Variants in CSMD1 observed in about 807,000 individuals in gnomAD.
The protein encoded by CSMD1 is CUB and Sushi multiple domains 1.
In CSMD1, 213 loss-of-function variants were observed where a neutral mutation model predicts 417.5. The ratio of observed to expected loss-of-function variants is 0.51; its 90% confidence interval spans 0.46 to 0.57. The LOEUF (loss-of-function observed/expected upper bound fraction) is 0.57, where lower values mean the gene tolerates loss of function less well. Among genes scored for constraint, CSMD1 ranks in the 20% least tolerant of loss-of-function variants. The pLI is 0.00. For missense variants in CSMD1, 6,923 were observed against 4,529.7 expected, an observed-to-expected ratio of 1.53 and a Z score of -15.17; for synonymous variants, 2,862 against 1,736.8, an observed-to-expected ratio of 1.65 and a Z score of -16.11.
chr8:3,915,982 T>G (rs1022421233), intron 5 of CSMD1, among the ~76,000 whole-genome samples: 1 of 151,534 alleles, frequency 6.6e-6, no homozygotes, highest in South Asian at 2.1e-4. Flanking sequence ...TTGAGTGAGA[T>G]TCATAAGATT....
chr8:3,661,100 C>G (rs1489740924), intron 7 of CSMD1, among the ~76,000 whole-genome samples: 1 of 152,134 alleles, frequency 6.6e-6, no homozygotes. Flanking sequence ...CAGCCGGGTT[C>G]CATCTGTTAA....
intron 26 of CSMD1, among the ~76,000 whole-genome samples, chr8:3,276,530 C>A (rs998760604): frequency 1.3e-5 from 2 of 152,168 alleles, no homozygotes; most frequent in Admixed American, 1.3e-4. Flanking sequence ...ATCATGAGAA[C>A]AGCAGAAGAA....
chr8:4,968,722 C>T (rs538391544), intron 1 of CSMD1, among the ~76,000 whole-genome samples: 54 of 152,024 alleles, frequency 3.6e-4, no homozygotes, highest in Non-Finnish European at 6.0e-4. Flanking sequence ...AGCAGATAAA[C>T]GTTTGCTGGT....
chr8:3,827,674 A>C (rs1237870381), intron 5 of CSMD1, among the ~76,000 whole-genome samples: 2 of 152,226 alleles, frequency 1.3e-5, no homozygotes, highest in African/African-American at 4.8e-5. Context: ...AAGTCAGATA[A>C]ACCCAATTTA....
chr8:4,289,338 A>G (rs532221789), intron 3 of CSMD1, among the ~76,000 whole-genome samples: 16 of 152,330 alleles, frequency 1.1e-4, no homozygotes, highest in African/African-American at 2.6e-4. Flanking sequence ...CCATACATTT[A>G]AAATACATTT....
intron 3 of CSMD1, among the ~76,000 whole-genome samples, chr8:4,389,202 G>C (rs571549546): frequency 6.6e-6 from 1 of 152,256 alleles, no homozygotes; most frequent in South Asian, 2.1e-4. Flanking sequence ...TTTTTCTGGA[G>C]GGAGTGGGCT....
Position 3,369,387 on chromosome 8 carries a change from G to C in CSMD1, c.2783-17C>G, listed in dbSNP as rs576815622. 1.1e-5 allele frequency: 13 copies of C among 1,212,360 alleles called. No individual in the cohort carries two copies. In the Admixed American group the frequency reaches 1.1e-4, roughly 10 times the overall value. The allele number at this position is 1,212,360 out of a possible 1,614,324, so 75.1% of individuals were successfully genotyped here. On this transcript the variant is annotated splice_polypyrimidine_tract_variant and intron_variant, in intron 18 of 69. Transcript: ENST00000635120. ...CACATAGAGCTTAAAATAATAAAGA[G>C]AGATGATTACAGCACTAAAGTTTCA...
intron 26 of CSMD1, among the ~76,000 whole-genome samples, chr8:3,252,072 G>A (rs1292939934): frequency 6.6e-6 from 1 of 152,086 alleles, no homozygotes; most frequent in African/African-American, 2.4e-5. Flanking sequence ...CTGCCTGATT[G>A]CCCTGGCCAG....
At chr8:4,779,564 C>T (rs775110123) in intron 1 of CSMD1, among the ~76,000 whole-genome samples, 13 of 152,246 alleles carry the variant, frequency 8.5e-5, no homozygotes, top group East Asian at 1.9e-4. Flanking sequence ...AAGAACAAAA[C>T]GGATATCATG....
intron 7 of CSMD1, among the ~76,000 whole-genome samples, chr8:3,685,459 G>A (rs867934194): frequency 2.0e-5 from 3 of 152,100 alleles, no homozygotes; most frequent in Non-Finnish European, 4.4e-5. Flanking sequence ...GGCTTTAATC[G>A]GATGCTGCAG....
chr8:3,437,246 A>T lies in CSMD1; in HGVS notation c.1562-27641T>A, dbSNP rs945558438. Among the ~76,000 whole-genome samples the T allele has an allele frequency of 2.6e-5, 4 of 152,308 alleles. No individual in the cohort carries two copies. In the South Asian group the frequency reaches 8.3e-4, roughly 32 times the overall value. On this transcript the variant is annotated intron_variant, in intron 12 of 69. Transcript: ENST00000635120. Reference sequence around the variant, plus strand: ...TTGATTTGATGTATCCTTGTCTAATACCACCATTCACTGAAGACAACACAG... The same window carrying T: ...TTGATTTGATGTATCCTTGTCTAATTCCACCATTCACTGAAGACAACACAG...
chr8:4,607,377 G>C (rs1318050422), intron 2 of CSMD1, among the ~76,000 whole-genome samples: 1 of 152,120 alleles, frequency 6.6e-6, no homozygotes, highest in Admixed American at 6.5e-5. Flanking sequence ...GAATAATACG[G>C]AGTAGTTGCT....
At chr8:3,958,103 G>A (rs1374661896) in intron 5 of CSMD1, among the ~76,000 whole-genome samples, 1 of 152,148 alleles carries the variant, frequency 6.6e-6, no homozygotes, top group Non-Finnish European at 1.5e-5. Context: ...GCTACTTGAA[G>A]AAAAAGTCAA....
At chr8:4,726,279 T>C (rs930692982) in intron 1 of CSMD1, among the ~76,000 whole-genome samples, 1 of 152,088 alleles carries the variant, frequency 6.6e-6, no homozygotes, top group Non-Finnish European at 1.5e-5. Flanking sequence ...CTTTGATCCT[T>C]TGTAGTAATG....
At chr8:4,668,736 A>G (rs1162921747) in intron 1 of CSMD1, among the ~76,000 whole-genome samples, 3 of 152,072 alleles carry the variant, frequency 2.0e-5, no homozygotes, top group Admixed American at 1.3e-4. Context: ...CAGTTTGCCT[A>G]CAACCTCTCT....
chr8:4,252,659 A>G (rs190476862), intron 3 of CSMD1, among the ~76,000 whole-genome samples: 1 of 152,378 alleles, frequency 6.6e-6, no homozygotes, highest in East Asian at 1.9e-4. Context: ...TAAAAATGGA[A>G]CAGGCTTTTA....
chr8:3,777,583 A>G (rs950813488), intron 5 of CSMD1, among the ~76,000 whole-genome samples: 3 of 152,220 alleles, frequency 2.0e-5, no homozygotes, highest in African/African-American at 7.2e-5. Flanking sequence ...ACAAGCTGCC[A>G]TACGGAAGCA....
intron 69 of CSMD1, among the ~76,000 whole-genome samples, chr8:2,939,393 C>A (rs895549283): frequency 6.6e-6 from 1 of 152,134 alleles, no homozygotes; most frequent in Non-Finnish European, 1.5e-5. Context: ...AAAAATGAAT[C>A]TTTATAAAAA....
chr8:2,992,591 T>C (rs2128949178), intron 54 of CSMD1, among the ~76,000 whole-genome samples: 1 of 149,172 alleles, frequency 6.7e-6, no homozygotes, highest in South Asian at 2.1e-4. Flanking sequence ...ACCTGGCTAA[T>C]TTTTTTGTAT....
Sources: gnomAD v4.1 joint callset for allele counts (sites outside exome capture counted in the v4.1 genomes callset) on GRCh38, gnomAD v4.1.1 for gene constraint, MANE v1.5 for transcripts, NCBI Gene and HGNC (gene_info 2026-07-23, HGNC 2026-07-21) for gene names.